NEGR1: variants seen among roughly 807,000 people sequenced by gnomAD.
NEGR1 encodes the protein IgLON family member 4.
NEGR1 carries 10 observed loss-of-function variants against 40.9 expected under a neutral mutation model. The observed-to-expected ratio is 0.24, with a 90% CI of 0.15 to 0.42. The LOEUF (loss-of-function observed/expected upper bound fraction) is 0.42, where lower values mean the gene tolerates loss of function less well. NEGR1 is among the 10% of genes least tolerant of loss of function. The probability of loss-of-function intolerance (pLI) is 1.00; values close to 1 mark genes in which losing one functional copy is unlikely to be tolerated. For synonymous variants in NEGR1, 185 were observed against 166.8 expected, an observed-to-expected ratio of 1.11 and a Z score of -0.84; for missense variants, 352 against 438.9, an observed-to-expected ratio of 0.80 and a Z score of 1.77.
At chr1:71,648,666 G>T (rs1486504597) in intron 4 of NEGR1, among the ~76,000 whole-genome samples, 2 of 151,924 alleles carry the variant, frequency 1.3e-5, no homozygotes, top group Admixed American at 6.6e-5. Flanking sequence ...ATCTCCAGAG[G>T]TCCCTTCCCA....
chr1:71,651,877 T>G (rs2101582791), intron 4 of NEGR1, among the ~76,000 whole-genome samples: 1 of 152,066 alleles, frequency 6.6e-6, no homozygotes, highest in South Asian at 2.1e-4. Flanking sequence ...GTATTACTTT[T>G]GTTTCAACTT....
At chr1:72,038,890 A>ATT (rs1444614990) in intron 1 of NEGR1, among the ~76,000 whole-genome samples, 2 of 152,056 alleles carry the variant, frequency 1.3e-5, no homozygotes, top group African/African-American at 2.4e-5. Context: ...TGAGCAAAGG[A>ATT]GAACCCTCAC....
intron 1 of NEGR1, among the ~76,000 whole-genome samples, chr1:72,106,223 C>A (rs987042021): frequency 8.6e-5 from 13 of 151,978 alleles, no homozygotes; most frequent in Admixed American, 3.3e-4. Flanking sequence ...AGTTACTAGA[C>A]AAAAGGATTG....
chr1:71,416,701 T>G (rs2101270941), intron 6 of NEGR1, among the ~76,000 whole-genome samples: 1 of 152,354 alleles, frequency 6.6e-6, no homozygotes, highest in South Asian at 2.1e-4. Flanking sequence ...TGCAAGCTAC[T>G]TTTTCAGTCT....
chr1:72,174,513 G>T (rs1300017781), intron 1 of NEGR1, among the ~76,000 whole-genome samples: 1 of 152,070 alleles, frequency 6.6e-6, no homozygotes, highest in African/African-American at 2.4e-5. Context: ...CTCCAACTCT[G>T]AGTAAACATT....
At chr1:72,184,099 A>G (rs1437587990) in intron 1 of NEGR1, among the ~76,000 whole-genome samples, 1 of 152,128 alleles carries the variant, frequency 6.6e-6, no homozygotes, top group African/African-American at 2.4e-5. Flanking sequence ...AGATAAATGT[A>G]CCTTCTCTGC....
chr1:71,923,912 T>A (rs1419491493), intron 2 of NEGR1, among the ~76,000 whole-genome samples: 2 of 152,094 alleles, frequency 1.3e-5, no homozygotes, highest in African/African-American at 4.8e-5. Flanking sequence ...ACTTTCTTTT[T>A]TTTTTTCTTT....
chr1:71,608,678 T>C (rs1001704674), intron 5 of NEGR1, among the ~76,000 whole-genome samples: 5 of 152,158 alleles, frequency 3.3e-5, no homozygotes, highest in African/African-American at 1.2e-4. Flanking sequence ...TTGAAAGGTA[T>C]GTAAAATAGT....
At chr1:71,536,471 G>C (rs1334436553) in intron 6 of NEGR1, among the ~76,000 whole-genome samples, 1 of 151,708 alleles carries the variant, frequency 6.6e-6, no homozygotes, top group Non-Finnish European at 1.5e-5. Context: ...CCTCTGCCAT[G>C]AGTGGAAGCA....
intron 6 of NEGR1, among the ~76,000 whole-genome samples, chr1:71,527,870 A>C (rs1647240987): frequency 6.6e-6 from 1 of 151,416 alleles, no homozygotes; most frequent in Non-Finnish European, 1.5e-5. Flanking sequence ...CAAGAGAGTG[A>C]ATATTGGTAG....
chr1:72,147,054 C>T (rs1313096091), intron 1 of NEGR1, among the ~76,000 whole-genome samples: 2 of 152,176 alleles, frequency 1.3e-5, no homozygotes, highest in African/African-American at 2.4e-5. Flanking sequence ...TATAAGGAAA[C>T]AGCACAATGT....
intron 1 of NEGR1, among the ~76,000 whole-genome samples, chr1:72,124,033 A>C (rs1178636414): frequency 2.6e-5 from 4 of 152,082 alleles, no homozygotes; most frequent in Non-Finnish European, 4.4e-5. Context: ...TATAGTTTGT[A>C]TAATCTGAGA....
At chr1:71,739,864 G>A (rs914873494) in intron 3 of NEGR1, among the ~76,000 whole-genome samples, 4 of 152,076 alleles carry the variant, frequency 2.6e-5, no homozygotes, top group Non-Finnish European at 5.9e-5. Context: ...ATATTTAATA[G>A]CTTTTAAGTT....
chr1:71,952,046 C>T (rs1646075518), intron 1 of NEGR1, among the ~76,000 whole-genome samples: 1 of 151,742 alleles, frequency 6.6e-6, no homozygotes, highest in Non-Finnish European at 1.5e-5. Context: ...CTTTCTATTC[C>T]CCAAGATACA....
At chr1:71,483,003 A>AG (rs967780861) in intron 6 of NEGR1, among the ~76,000 whole-genome samples, 4 of 151,812 alleles carry the variant, frequency 2.6e-5, no homozygotes, top group African/African-American at 9.7e-5. Flanking sequence ...TAAGAGTGGT[A>AG]GGTGGGATGC....
At chr1:72,271,748 T>C (rs1655851219) in intron 1 of NEGR1, among the ~76,000 whole-genome samples, 2 of 151,904 alleles carry the variant, frequency 1.3e-5, no homozygotes, top group Admixed American at 1.3e-4. Flanking sequence ...TCCCACGTGT[T>C]GTCCCAGAAT....
At chr1:72,051,591 G>A (rs181752346) in intron 1 of NEGR1, among the ~76,000 whole-genome samples, 1 of 151,448 alleles carries the variant, frequency 6.6e-6, no homozygotes, top group Admixed American at 6.6e-5. Flanking sequence ...TGACATCCTT[G>A]AAAGTGTGAA....
Position 72,210,181 on chromosome 1 carries a change from T to C in NEGR1, c.176+72138A>G, listed in dbSNP as rs561656132. On this transcript the variant is annotated intron_variant, in intron 1 of 6. Transcript: ENST00000357731. ...AAATAAAAACTATTTTCATAAATAG[T>C]TTGAGATCTTGTCTTTTTTACTATT... Among the ~76,000 whole-genome samples the C allele has an allele frequency of 1.3e-4, 20 of 151,944 alleles. 1 individual carries two copies. In the South Asian group the frequency reaches 3.9e-3, roughly 30 times the overall value.
intron 1 of NEGR1, among the ~76,000 whole-genome samples, chr1:72,152,549 CACT>C (rs976655961): frequency 6.6e-6 from 1 of 151,972 alleles, no homozygotes; most frequent in African/African-American, 2.4e-5. Flanking sequence ...ATTTGTCCAC[CACT>C]GTGGAAAGCA....
Sources: gnomAD v4.1 joint callset for allele counts (sites outside exome capture counted in the v4.1 genomes callset) on GRCh38, gnomAD v4.1.1 for gene constraint, MANE v1.5 for transcripts, NCBI Gene and HGNC (gene_info 2026-07-23, HGNC 2026-07-21) for gene names.